RUNX1: variants seen among roughly 807,000 people sequenced by gnomAD.
RUNX1 encodes the protein RUNX family transcription factor 1.
A neutral mutation model predicts 42.8 loss-of-function variants in RUNX1; 19 were observed. The ratio of observed to expected loss-of-function variants is 0.44; its 90% confidence interval spans 0.31 to 0.65. The LOEUF is 0.65. Ranked by LOEUF, RUNX1 falls within the 30% of genes least tolerant of loss-of-function variation. The pLI, the probability that RUNX1 is intolerant of heterozygous loss-of-function variation, is 0.07. For missense variants in RUNX1, 528 were observed against 672.0 expected (o/e 0.79, Z 2.37); for synonymous variants, 271 against 289.4 (o/e 0.94, Z 0.64).
intron 2 of RUNX1, among the ~76,000 whole-genome samples, chr21:35,028,827 T>C (rs2059254281): frequency 6.6e-6 from 1 of 152,158 alleles, no homozygotes; most frequent in Non-Finnish European, 1.5e-5. Flanking sequence ...AGGGACACTC[T>C]CTATGGGTCT....
At chr21:34,983,910 A>G (rs963254700) in intron 2 of RUNX1, among the ~76,000 whole-genome samples, 7 of 152,192 alleles carry the variant, frequency 4.6e-5, no homozygotes, top group Non-Finnish European at 1.0e-4. Flanking sequence ...TCAGGGGCCA[A>G]TGGTGCTGCT....
intron 2 of RUNX1, among the ~76,000 whole-genome samples, chr21:35,000,529 C>A (rs904255211): frequency 6.6e-6 from 1 of 152,024 alleles, no homozygotes; most frequent in Non-Finnish European, 1.5e-5. Context: ...CGTGAGCCAC[C>A]GCACCCAGCC....
intron 7 of RUNX1, among the ~76,000 whole-genome samples, chr21:34,800,804 G>C (rs1360921122): frequency 1.3e-5 from 2 of 152,086 alleles, no homozygotes; most frequent in Non-Finnish European, 2.9e-5. Context: ...GTGTGTGAGT[G>C]AAAATAACTG....
intron 2 of RUNX1, among the ~76,000 whole-genome samples, chr21:34,989,909 G>A (rs928893871): frequency 1.3e-5 from 2 of 152,156 alleles, no homozygotes; most frequent in Admixed American, 1.3e-4. Flanking sequence ...TACCTCTTAC[G>A]CTCCAAGTAG....
chr21:35,041,011 C>T (rs1267382031), intron 2 of RUNX1, among the ~76,000 whole-genome samples: 1 of 152,122 alleles, frequency 6.6e-6, no homozygotes, highest in Non-Finnish European at 1.5e-5. Flanking sequence ...CTGATCAAGA[C>T]CCACGTACCT....
At chr21:34,826,662 C>T (rs2056993145) in intron 7 of RUNX1, among the ~76,000 whole-genome samples, 1 of 151,658 alleles carries the variant, frequency 6.6e-6, no homozygotes, top group Non-Finnish European at 1.5e-5. Context: ...CCAGCCTGCT[C>T]TCGAACTCCC....
At chr21:34,985,463 T>G (rs2058878648) in intron 2 of RUNX1, among the ~76,000 whole-genome samples, 1 of 152,230 alleles carries the variant, frequency 6.6e-6, no homozygotes, top group South Asian at 2.1e-4. Flanking sequence ...GAGTAGAAGC[T>G]GTGGATGGAA....
chr21:34,815,501 G>A (rs1428803011), intron 7 of RUNX1, among the ~76,000 whole-genome samples: 2 of 152,216 alleles, frequency 1.3e-5, no homozygotes, highest in African/African-American at 4.8e-5. Context: ...CAGGGTGGGT[G>A]TGGGAAAGAA....
At chr21:34,920,900 C>A (rs1380160356) in intron 2 of RUNX1, among the ~76,000 whole-genome samples, 1 of 152,000 alleles carries the variant, frequency 6.6e-6, no homozygotes. Context: ...ACTCTATCAC[C>A]CAGGCTAGAG....
intron 2 of RUNX1, among the ~76,000 whole-genome samples, chr21:34,963,961 A>G (rs544967873): frequency 8.0e-4 from 122 of 152,368 alleles, no homozygotes; most frequent in Non-Finnish European, 1.3e-3. Context: ...GATAAAGTTT[A>G]TCATGTAGAT....
rs2056446024 is a variant in RUNX1, at chr21:34,792,116, C to G, written c.*19G>C. 2 of 1,368,240 alleles carry G rather than the reference C, an allele frequency of 1.5e-6. No individual in the cohort carries two copies. Among genetic ancestry groups the G allele is most frequent in the East Asian group, 6.0e-5 (2 of 33,228 alleles). The allele number at this position is 1,368,240 out of a possible 1,614,324, so 84.8% of individuals were successfully genotyped here. On this transcript the variant is annotated 3_prime_UTR_variant, in exon 9 of 9. Coordinates refer to ENST00000675419, the MANE Select transcript of RUNX1 (RefSeq NM_001754.5). The surrounding 1 kb of genome is among the most constrained non-coding windows in gnomAD (Gnocchi z 6.9). ...GAAGGCGGCGGCCCGCGGGGCCCAG[C>G]CGGGCCAGGCCTGGCGCCTCAGTAG...
chr21:34,911,959 C>T (rs2058275977), intron 2 of RUNX1, among the ~76,000 whole-genome samples: 1 of 152,010 alleles, frequency 6.6e-6, no homozygotes, highest in South Asian at 2.1e-4. Context: ...ACCATCACAA[C>T]TATCATGTCA....
intron 2 of RUNX1, among the ~76,000 whole-genome samples, chr21:34,987,352 G>A (rs1291137802): frequency 2.6e-5 from 4 of 152,190 alleles, no homozygotes; most frequent in East Asian, 1.9e-4. Context: ...CTGCTGACAC[G>A]AGGCAGGGAG....
chr21:34,800,691 A>G (rs61159386), intron 7 of RUNX1, among the ~76,000 whole-genome samples: 2 of 152,306 alleles, frequency 1.3e-5, no homozygotes, highest in African/African-American at 4.8e-5. Context: ...AAGCTGCCAC[A>G]GTGGATAACA....
intron 3 of RUNX1, chr21:34,888,146 C>A: frequency 2.8e-6 from 3 of 1,066,370 alleles, no homozygotes; most frequent in East Asian, 4.9e-5. Flanking sequence ...GGTGACTCAG[C>A]CCTGACTCGG....
At chr21:34,805,225 C>A (rs1269292123) in intron 7 of RUNX1, among the ~76,000 whole-genome samples, 3 of 152,154 alleles carry the variant, frequency 2.0e-5, no homozygotes, top group African/African-American at 7.2e-5. Context: ...CATCCAAGAA[C>A]TGTGAGAAAG....
chr21:35,048,215 A>C (rs772477720), intron 2 of RUNX1, among the ~76,000 whole-genome samples: 25 of 152,236 alleles, frequency 1.6e-4, no homozygotes, highest in Non-Finnish European at 2.6e-4. Context: ...TGAGGCTACA[A>C]GGAAAAACAC....
chr21:35,013,400 AT>A (rs1346446413), intron 2 of RUNX1, among the ~76,000 whole-genome samples: 3 of 152,242 alleles, frequency 2.0e-5, no homozygotes, highest in African/African-American at 7.2e-5. Flanking sequence ...GAGTTTATTC[AT>A]TATTTGCTTT....
intron 2 of RUNX1, among the ~76,000 whole-genome samples, chr21:35,034,880 C>T (rs73203053): frequency 0.054 from 8,157 of 152,232 alleles, 304 homozygotes; most frequent in Non-Finnish European, 0.069. Flanking sequence ...GATCAGGGTA[C>T]AATGGCACAT....
Sources: gnomAD v4.1 joint callset for allele counts (sites outside exome capture counted in the v4.1 genomes callset) on GRCh38, gnomAD v4.1.1 for gene constraint, Gnocchi (gnomAD v3.1) non-coding constraint, MANE v1.5 for transcripts, NCBI Gene and HGNC (gene_info 2026-07-23, HGNC 2026-07-21) for gene names.